Variants in CPQ observed in about 807,000 individuals in gnomAD.
The protein encoded by CPQ is Ser-Met dipeptidase.
Under a neutral mutation model 45.7 loss-of-function variants are expected in CPQ, and 37 were observed. The ratio of observed to expected loss-of-function variants is 0.81; its 90% confidence interval spans 0.62 to 1.07. The LOEUF is 1.07. Ranked by LOEUF, CPQ falls within the 50% of genes least tolerant of loss-of-function variation. CPQ has a pLI of 0.00. For synonymous variants in CPQ, 186 were observed against 205.8 expected (o/e 0.90, Z 0.82); for missense variants, 537 against 572.9 (o/e 0.94, Z 0.64).
intron 7 of CPQ, among the ~76,000 whole-genome samples, chr8:97,086,468 G>A (rs969309748): frequency 8.5e-5 from 13 of 152,334 alleles, no homozygotes; most frequent in Middle Eastern, 3.4e-3. Flanking sequence ...GTGCAGGGCA[G>A]ATCTGAAATC....
At chr8:97,036,380 T>C (rs1174281148) in intron 6 of CPQ, among the ~76,000 whole-genome samples, 3 of 152,218 alleles carry the variant, frequency 2.0e-5, no homozygotes, top group Admixed American at 2.0e-4. Flanking sequence ...AAATATGAAC[T>C]CTATTGGTTA....
chr8:97,123,450 G>C (rs1811793019), intron 7 of CPQ, among the ~76,000 whole-genome samples: 1 of 151,238 alleles, frequency 6.6e-6, no homozygotes, highest in Non-Finnish European at 1.5e-5. Flanking sequence ...AATATATGAA[G>C]TACATATCTA....
intron 2 of CPQ, among the ~76,000 whole-genome samples, chr8:96,832,531 T>C (rs1275437485): frequency 1.3e-5 from 2 of 151,794 alleles, no homozygotes; most frequent in African/African-American, 4.8e-5. Context: ...GAAATTACAG[T>C]TTAAGGGGTA....
At chr8:96,710,333 G>A (rs1470045245) in intron 1 of CPQ, among the ~76,000 whole-genome samples, 5 of 151,680 alleles carry the variant, frequency 3.3e-5, no homozygotes, top group African/African-American at 4.8e-5. Flanking sequence ...TGGTTTTTTG[G>A]TTTCAATTTC....
At chr8:96,920,042 A>G (rs1199736672) in intron 4 of CPQ, among the ~76,000 whole-genome samples, 1 of 152,234 alleles carries the variant, frequency 6.6e-6, no homozygotes, top group Non-Finnish European at 1.5e-5. Context: ...ATTAAACAAT[A>G]TAAAATATGT....
chr8:96,906,910 C>G (rs1812586493), intron 4 of CPQ, among the ~76,000 whole-genome samples: 1 of 152,010 alleles, frequency 6.6e-6, no homozygotes, highest in Non-Finnish European at 1.5e-5. Flanking sequence ...TTTAAGAAGT[C>G]TATTTTCTAA....
At position 97,143,015 on chromosome 8, in the gene CPQ, C is replaced by T; in HGVS notation, c.1256-5C>T. On this transcript the variant is annotated splice_region_variant and splice_polypyrimidine_tract_variant and intron_variant, in intron 7 of 7. Transcript: ENST00000220763. ...CACTAAGAATTCTTCCTCTTTTATCCCCAGGAGCCAGTCTACTTGATGACT... is the reference window on the plus strand; with the variant it reads ...CACTAAGAATTCTTCCTCTTTTATCTCCAGGAGCCAGTCTACTTGATGACT... The T allele has an allele frequency of 6.2e-7, 1 of 1,612,698 alleles. No homozygotes were observed. Among genetic ancestry groups the T allele is most frequent in the Non-Finnish European group, 8.5e-7 (1 of 1,179,230 alleles).
At chr8:96,984,349 T>C (rs1813965258) in intron 5 of CPQ, among the ~76,000 whole-genome samples, 1 of 152,166 alleles carries the variant, frequency 6.6e-6, no homozygotes. Context: ...AAATCCTCAA[T>C]GCAACAGTGT....
intron 1 of CPQ, among the ~76,000 whole-genome samples, chr8:96,766,747 C>T (rs1381573864): frequency 6.6e-6 from 1 of 152,170 alleles, no homozygotes; most frequent in African/African-American, 2.4e-5. Flanking sequence ...TATTCCCACT[C>T]TTGGCCAGGC....
chr8:96,953,610 C>A (rs1265402614), intron 4 of CPQ, among the ~76,000 whole-genome samples: 1 of 152,054 alleles, frequency 6.6e-6, no homozygotes, highest in Non-Finnish European at 1.5e-5. Context: ...CCTCAGGTGT[C>A]CTGGACGGAA....
At chr8:96,982,573 A>T (rs1813922312) in intron 5 of CPQ, among the ~76,000 whole-genome samples, 1 of 152,080 alleles carries the variant, frequency 6.6e-6, no homozygotes. Context: ...AAACTCCTGG[A>T]CTCAAGCAAC....
chr8:97,033,582 G>A (rs1809946099), intron 6 of CPQ, among the ~76,000 whole-genome samples: 1 of 150,266 alleles, frequency 6.7e-6, no homozygotes, highest in African/African-American at 2.4e-5. Context: ...TAAGTATATT[G>A]TAGGAAGATA....
intron 7 of CPQ, among the ~76,000 whole-genome samples, chr8:97,084,433 C>G (rs529705873): frequency 1.3e-5 from 2 of 152,290 alleles, no homozygotes; most frequent in South Asian, 4.2e-4. Context: ...TATTTCTCAA[C>G]TGTTGAATCT....
intron 3 of CPQ, among the ~76,000 whole-genome samples, chr8:96,843,436 G>A (rs1296786024): frequency 6.6e-6 from 1 of 152,198 alleles, no homozygotes; most frequent in Non-Finnish European, 1.5e-5. Context: ...AGAAGAGCTT[G>A]ATTTAGTTAA....
At chr8:97,115,462 C>T (rs1811568855) in intron 7 of CPQ, among the ~76,000 whole-genome samples, 2 of 152,176 alleles carry the variant, frequency 1.3e-5, no homozygotes, top group African/African-American at 4.8e-5. Flanking sequence ...AGCACTTCAG[C>T]CATTGCATAG....
intron 5 of CPQ, among the ~76,000 whole-genome samples, chr8:97,026,723 C>T (rs2130465151): frequency 6.6e-6 from 1 of 152,296 alleles, no homozygotes; most frequent in East Asian, 1.9e-4. Context: ...GCCAGCTGTG[C>T]ACCAACTATG....
intron 4 of CPQ, among the ~76,000 whole-genome samples, chr8:96,923,228 T>C (rs1368033088): frequency 6.6e-6 from 1 of 151,902 alleles, no homozygotes; most frequent in Admixed American, 6.6e-5. Context: ...AGAAAAGGAG[T>C]ATAAAGAAGC....
chr8:96,738,967 T>C (rs1586380451), intron 1 of CPQ, among the ~76,000 whole-genome samples: 1 of 151,694 alleles, frequency 6.6e-6, no homozygotes, highest in Non-Finnish European at 1.5e-5. Context: ...GTCCTTTGGG[T>C]ATATACCCAG....
intron 2 of CPQ, among the ~76,000 whole-genome samples, chr8:96,820,930 T>A (rs1487477063): frequency 1.3e-5 from 2 of 151,976 alleles, no homozygotes; most frequent in Admixed American, 6.6e-5. Context: ...CCACCAACAG[T>A]GTATGAAGGT....
Sources: allele counts gnomAD v4.1 joint callset (sites outside exome capture counted in the v4.1 genomes callset), GRCh38; gene constraint gnomAD v4.1.1; transcripts MANE v1.5; gene names NCBI Gene and HGNC (gene_info 2026-07-23, HGNC 2026-07-21).